Variants in GALNT14 observed in about 807,000 individuals in gnomAD.
GALNT14 encodes the protein polypeptide N-acetylgalactosaminyltransferase 14.
In GALNT14, 60 loss-of-function variants were observed where a neutral mutation model predicts 77.5. The observed-to-expected ratio is 0.77, with a 90% CI of 0.63 to 0.96. The LOEUF is 0.96. Among genes scored for constraint, GALNT14 ranks in the 40% least tolerant of loss-of-function variants. GALNT14 has a pLI of 0.00. For missense variants in GALNT14, 710 were observed against 731.0 expected (o/e 0.97, Z 0.33); for synonymous variants, 280 against 281.7 (o/e 0.99, Z 0.06).
chr2:30,997,499 A>G (rs1328306484), intron 1 of GALNT14, among the ~76,000 whole-genome samples: 3 of 152,156 alleles, frequency 2.0e-5, no homozygotes, highest in Non-Finnish European at 4.4e-5. Context: ...GGAAAACAAG[A>G]ACAAATACCC....
chr2:31,098,249 G>A (rs978281144), intron 1 of GALNT14, among the ~76,000 whole-genome samples: 3 of 152,124 alleles, frequency 2.0e-5, no homozygotes, highest in Non-Finnish European at 4.4e-5. Flanking sequence ...GATTTTACCT[G>A]CAAAACTCAC....
chr2:31,085,056 G>A lies in GALNT14; in HGVS notation c.129+52902C>T, dbSNP rs529979259. ...AAAAAAAAAGTAACATGTGTGACAC[G>A]CTTTGCACTGCATGGGACACAGTGT... is the stretch of plus-strand genomic sequence containing the variant. On this transcript the variant is annotated intron_variant, in intron 1 of 14. Transcript: ENST00000349752. 2.2e-4 allele frequency among the ~76,000 whole-genome samples: 33 copies of A among 151,596 alleles called. 1 individual carries two copies. In the East Asian group the frequency reaches 3.3e-3, roughly 15 times the overall value.
chr2:30,915,280 G>A (rs1330934968), intron 13 of GALNT14, among the ~76,000 whole-genome samples: 1 of 152,152 alleles, frequency 6.6e-6, no homozygotes, highest in Non-Finnish European at 1.5e-5. Context: ...AGGAAGAAAT[G>A]CATTTGGGCA....
intron 2 of GALNT14, among the ~76,000 whole-genome samples, chr2:30,972,980 AAGC>A (rs1305865124): frequency 6.6e-6 from 1 of 152,226 alleles, no homozygotes; most frequent in Non-Finnish European, 1.5e-5. Flanking sequence ...ACTAAACAAA[AAGC>A]TATGTTGACC....
chr2:31,091,837 G>C (rs887520244), intron 1 of GALNT14, among the ~76,000 whole-genome samples: 1 of 152,174 alleles, frequency 6.6e-6, no homozygotes, highest in African/African-American at 2.4e-5. Flanking sequence ...TCCTGGGTGT[G>C]TCTGTGAGGG....
chr2:30,935,605 G>C (rs139894902), intron 9 of GALNT14, among the ~76,000 whole-genome samples: 7 of 152,216 alleles, frequency 4.6e-5, no homozygotes, highest in Admixed American at 3.3e-4. Context: ...CAGTCTGAGG[G>C]ATGCGGCTTG....
intron 12 of GALNT14, 167 bp from the exon 13 acceptor site, chr2:30,924,430 G>A (rs148342071): frequency 0.013 from 9,099 of 701,716 alleles, 77 homozygotes; most frequent in Non-Finnish European, 0.016. Context: ...AGGTGGCAAG[G>A]AAAGACCCAG....
chr2:30,905,269 C>T, the GALNT14 span, among the ~76,000 whole-genome samples: 11 of 151,864 alleles, frequency 7.2e-5, no homozygotes, highest in South Asian at 2.1e-4. Context: ...CTCTGAGCTA[C>T]GGGAGGACAT....
chr2:30,975,042 G>C lies in GALNT14; in HGVS notation c.300-8740C>G, dbSNP rs1003446406. 3.9e-5 allele frequency among the ~76,000 whole-genome samples: 6 copies of C among 152,194 alleles called. No individual in the cohort carries two copies. In the South Asian group the frequency reaches 1.2e-3, roughly 31 times the overall value. ...GCCAAGGTCAGTGATACAGCAAAGAGAGACCAAAGAAATTGCCCAAACTGA... is the reference window on the plus strand; with the variant it reads ...GCCAAGGTCAGTGATACAGCAAAGACAGACCAAAGAAATTGCCCAAACTGA... On this transcript the variant is annotated intron_variant, in intron 2 of 14. Coordinates refer to ENST00000349752, the MANE Select transcript of GALNT14 (RefSeq NM_024572.4).
Position 31,076,655 on chromosome 2 carries a change from T to C in GALNT14, c.129+61303A>G, listed in dbSNP as rs375044084. Among the ~76,000 whole-genome samples, 155 of 150,182 alleles carry C rather than the reference T, an allele frequency of 1.0e-3. 1 individual carries two copies. Among genetic ancestry groups the C allele is most frequent in the African/African-American group, 3.7e-3 (151 of 40,902 alleles). On this transcript the variant is annotated intron_variant, in intron 1 of 14. Transcript: ENST00000349752. ...TTTTTTTTTTTTTTACATGTACATA[T>C]ACATTTAGTGGCCTCAAGAAACTCA...
rs78624549 is a variant in GALNT14, at chr2:31,072,609, G to A, written c.129+65349C>T. On this transcript the variant is annotated intron_variant, in intron 1 of 14. Transcript: ENST00000349752. Reference sequence around the variant, plus strand: ...CTCCTGCAGGTGAAGGAGACCTAGAGGACAACTAAGTCCAATTCCAAATGT... The same window carrying A: ...CTCCTGCAGGTGAAGGAGACCTAGAAGACAACTAAGTCCAATTCCAAATGT... Among the ~76,000 whole-genome samples the A allele has an allele frequency of 4.8e-3, 726 of 152,218 alleles. 5 individuals carry two copies. The highest frequency in any genetic ancestry group is 0.014 in the Middle Eastern group (4 of 292).
chr2:30,892,297 T>C, the GALNT14 span, among the ~76,000 whole-genome samples: 1 of 152,028 alleles, frequency 6.6e-6, no homozygotes, highest in Admixed American at 6.6e-5. Flanking sequence ...AAAGAAATAG[T>C]ATAAGAATAA....
At chr2:31,108,340 G>A (rs1677664430) in intron 1 of GALNT14, among the ~76,000 whole-genome samples, 2 of 152,232 alleles carry the variant, frequency 1.3e-5, no homozygotes, top group African/African-American at 4.8e-5. Flanking sequence ...TGCTTGCCAA[G>A]GACTAAGGAA....
chr2:30,976,680 G>C (rs1031982477), intron 2 of GALNT14, among the ~76,000 whole-genome samples: 2 of 152,006 alleles, frequency 1.3e-5, no homozygotes, highest in Non-Finnish European at 2.9e-5. Flanking sequence ...GCAGAGCCTA[G>C]CTGGGACAGA....
At chr2:30,930,312 C>T (rs1665650819) in intron 10 of GALNT14, among the ~76,000 whole-genome samples, 3 of 152,242 alleles carry the variant, frequency 2.0e-5, no homozygotes, top group Non-Finnish European at 4.4e-5. Context: ...GGTCCCAGCT[C>T]TCCAAGGGGA....
intron 1 of GALNT14, among the ~76,000 whole-genome samples, chr2:31,069,102 C>A (rs1388775406): frequency 1.3e-5 from 2 of 152,168 alleles, no homozygotes; most frequent in Non-Finnish European, 2.9e-5. Context: ...CCTGAGAATA[C>A]ACTAAAACCA....
intron 2 of GALNT14, among the ~76,000 whole-genome samples, chr2:30,977,388 G>A (rs991308060): frequency 6.6e-6 from 1 of 152,154 alleles, no homozygotes; most frequent in Non-Finnish European, 1.5e-5. Context: ...ACCATACCCA[G>A]CCCTTCTCTC....
chr2:31,038,639 G>T (rs1001404313), intron 1 of GALNT14, among the ~76,000 whole-genome samples: 7 of 152,108 alleles, frequency 4.6e-5, no homozygotes, highest in South Asian at 2.1e-4. Flanking sequence ...CACAGCTATT[G>T]TTGTGAGGCT....
At chr2:31,102,842 A>G (rs1573352778) in intron 1 of GALNT14, among the ~76,000 whole-genome samples, 1 of 152,120 alleles carries the variant, frequency 6.6e-6, no homozygotes, top group South Asian at 2.1e-4. Flanking sequence ...TGTGATATGT[A>G]CCTTTTATAC....
Sources: gnomAD v4.1 joint callset for allele counts (sites outside exome capture counted in the v4.1 genomes callset) on GRCh38, gnomAD v4.1.1 for gene constraint, MANE v1.5 for transcripts, NCBI Gene and HGNC (gene_info 2026-07-23, HGNC 2026-07-21) for gene names.